SBF2: variants seen among roughly 807,000 people sequenced by gnomAD.
SBF2 encodes myotubularin-related protein 13.
Under a neutral mutation model 225.2 loss-of-function variants are expected in SBF2, and 112 were observed. That is an observed-to-expected ratio of 0.50 (90% CI 0.43 to 0.58). SBF2 has a LOEUF of 0.58. Among genes scored for constraint, SBF2 ranks in the 20% least tolerant of loss-of-function variants. The probability of loss-of-function intolerance (pLI) is 0.00; values close to 1 mark genes in which losing one functional copy is unlikely to be tolerated. For missense variants in SBF2, 1,996 were observed against 2,206.2 expected, an observed-to-expected ratio of 0.90 and a Z score of 1.91; for synonymous variants, 763 against 773.3, an observed-to-expected ratio of 0.99 and a Z score of 0.22.
chr11:9,980,647 C>T (rs896074547), intron 13 of SBF2, among the ~76,000 whole-genome samples: 4 of 151,104 alleles, frequency 2.6e-5, no homozygotes, highest in Non-Finnish European at 4.4e-5. Context: ...AGTGCAGTGG[C>T]GAGATCTCGG....
Position 10,178,721 on chromosome 11 carries a change from T to C in SBF2, c.141+15181A>G, listed in dbSNP as rs565633558. On this transcript the variant is annotated intron_variant, in intron 2 of 39. Coordinates refer to ENST00000256190, the MANE Select transcript of SBF2 (RefSeq NM_030962.4). ...AGGTGCTAGAGAGGATGTGGAGAAA[T>C]AGGAACACTTTTACACTGTTGGTGG... Among the ~76,000 whole-genome samples, 267 of 143,350 alleles carry C rather than the reference T, an allele frequency of 1.9e-3. 8 individuals are homozygous for C. Among genetic ancestry groups the C allele is most frequent in the African/African-American group, 6.7e-3 (258 of 38,502 alleles). The allele number at this position is 143,350 out of a possible 152,430, so 94.0% of individuals were successfully genotyped here. A position where few individuals can be genotyped will look rare whatever the true frequency, so the allele number is the denominator to read the frequency against.
intron 1 of SBF2, among the ~76,000 whole-genome samples, chr11:10,228,388 C>G (rs1233533485): frequency 6.6e-6 from 1 of 152,174 alleles, no homozygotes; most frequent in Non-Finnish European, 1.5e-5. Context: ...GAGGGCATCC[C>G]TGTCTTGTGC....
chr11:10,175,012 C>T (rs1442528142), intron 2 of SBF2, among the ~76,000 whole-genome samples: 7 of 151,794 alleles, frequency 4.6e-5, no homozygotes, highest in African/African-American at 9.7e-5. Flanking sequence ...CTGAAGGAAG[C>T]GCTAAACATG....
At chr11:9,803,866 A>G (rs1366854133) in intron 32 of SBF2, among the ~76,000 whole-genome samples, 2 of 151,678 alleles carry the variant, frequency 1.3e-5, no homozygotes, top group East Asian at 3.8e-4. Flanking sequence ...TAGAAGGAAG[A>G]ATAGCAGTAA....
chr11:10,249,520 T>G (rs1960143535), intron 1 of SBF2, among the ~76,000 whole-genome samples: 1 of 152,070 alleles, frequency 6.6e-6, no homozygotes, highest in Admixed American at 6.5e-5. Flanking sequence ...TATCAATGAG[T>G]AAACATTGTT....
chr11:10,251,905 T>C (rs760956075), intron 1 of SBF2, among the ~76,000 whole-genome samples: 1 of 152,134 alleles, frequency 6.6e-6, no homozygotes, highest in African/African-American at 2.4e-5. Flanking sequence ...CTCTCTCACC[T>C]AAGGGAGAAG....
chr11:10,026,478 C>T lies in SBF2; in HGVS notation c.619+1974G>A, dbSNP rs1159030473. Reference sequence around the variant, plus strand: ...GCATGCAGTGGCTCATGCCTATAATCCCAGCTCTTTGGGAGGCCAAAGCAG... The same window carrying T: ...GCATGCAGTGGCTCATGCCTATAATTCCAGCTCTTTGGGAGGCCAAAGCAG... On this transcript the variant is annotated intron_variant, in intron 6 of 39. Coordinates refer to ENST00000256190, the MANE Select transcript of SBF2 (RefSeq NM_030962.4). Among the ~76,000 whole-genome samples, 5 of 152,276 alleles carry T rather than the reference C, an allele frequency of 3.3e-5. No individual in the cohort carries two copies. The East Asian group carries it at 9.6e-4, about 29-fold the overall frequency.
At chr11:10,062,337 A>C (rs1029211011) in intron 2 of SBF2, among the ~76,000 whole-genome samples, 1 of 152,170 alleles carries the variant, frequency 6.6e-6, no homozygotes, top group African/African-American at 2.4e-5. Context: ...AAAATTGACA[A>C]ATGGGGTCTA....
intron 21 of SBF2, among the ~76,000 whole-genome samples, chr11:9,852,183 A>G (rs1857006055): frequency 6.6e-6 from 1 of 152,216 alleles, no homozygotes; most frequent in African/African-American, 2.4e-5. Flanking sequence ...GCCTTGTTAA[A>G]ATACAGATTC....
chr11:9,815,211 G>A (rs1047831139), intron 29 of SBF2, among the ~76,000 whole-genome samples: 16 of 151,118 alleles, frequency 1.1e-4, no homozygotes, highest in Admixed American at 7.9e-4. Context: ...AGGCCAGGGC[G>A]GGTGGATCAC....
chr11:10,229,801 T>C (rs1335879435), intron 1 of SBF2, among the ~76,000 whole-genome samples: 1 of 152,120 alleles, frequency 6.6e-6, no homozygotes, highest in African/African-American at 2.4e-5. Flanking sequence ...TGATTTGGGG[T>C]GGAGAGTTCT....
intron 13 of SBF2, among the ~76,000 whole-genome samples, chr11:9,973,259 C>T (rs2134403598): frequency 6.6e-6 from 1 of 152,320 alleles, no homozygotes. Context: ...TTGGACTGGT[C>T]CCTTGAACGT....
At chr11:9,868,111 T>C (rs1858386542) in intron 17 of SBF2, among the ~76,000 whole-genome samples, 1 of 152,228 alleles carries the variant, frequency 6.6e-6, no homozygotes, top group South Asian at 2.1e-4. Flanking sequence ...ATATCACTTG[T>C]ACCCCATAAA....
At chr11:9,892,118 T>A (rs913788510) in intron 17 of SBF2, among the ~76,000 whole-genome samples, 8 of 152,152 alleles carry the variant, frequency 5.3e-5, no homozygotes, top group Non-Finnish European at 1.0e-4. Context: ...TTAAAAAAAA[T>A]TATTTTTATT....
chr11:10,258,368 A>G (rs1961087208), intron 1 of SBF2, among the ~76,000 whole-genome samples: 1 of 152,222 alleles, frequency 6.6e-6, no homozygotes, highest in African/African-American at 2.4e-5. Context: ...GTGGCTTCCC[A>G]AAGTGCTGGG....
Position 9,779,210 on chromosome 11 carries a change from AATT to A in SBF2, c.*1205_*1207del, listed in dbSNP as rs1851880679. On this transcript the variant is annotated 3_prime_UTR_variant, in exon 40 of 40. Coordinates refer to ENST00000256190, the MANE Select transcript of SBF2 (RefSeq NM_030962.4). Reference sequence around the variant, plus strand: ...TGAATGCATCAGTTAATTTATATTAAATTATAAGCAGGCTATCTGAAAAACAAG... The same window carrying A: ...TGAATGCATCAGTTAATTTATATTAAATAAGCAGGCTATCTGAAAAACAAG... 1 of 152,652 alleles carries A rather than the reference AATT, an allele frequency of 6.6e-6. No homozygotes were observed. Among genetic ancestry groups the A allele is most frequent in the Non-Finnish European group, 1.5e-5 (1 of 68,042 alleles). 9.5% of individuals were successfully genotyped at this position (152,652 alleles called of 1,614,324 possible). A position where few individuals can be genotyped will look rare whatever the true frequency, so the allele number is the denominator to read the frequency against.
intron 13 of SBF2, among the ~76,000 whole-genome samples, chr11:9,988,355 AT>A (rs1947280951): frequency 6.6e-6 from 1 of 152,206 alleles, no homozygotes; most frequent in Admixed American, 6.5e-5. Flanking sequence ...TTAGGCAAGG[AT>A]TTCATGACCA....
intron 28 of SBF2, chr11:9,828,613 GGGGTTCCATCACATGATAAC>G: frequency 1.0e-6 from 1 of 985,222 alleles, no homozygotes; most frequent in East Asian, 1.1e-4. Flanking sequence ...TGAACCCTTT[GGGGTTCCATCACATGATAAC>G]TGAAACAGAA....
intron 1 of SBF2, among the ~76,000 whole-genome samples, chr11:10,199,740 T>G (rs1456322141): frequency 2.0e-5 from 3 of 152,022 alleles, no homozygotes; most frequent in Non-Finnish European, 4.4e-5. Flanking sequence ...GGGCAACATA[T>G]GGAGACCCCA....
Sources: allele counts gnomAD v4.1 joint callset (sites outside exome capture counted in the v4.1 genomes callset), GRCh38; gene constraint gnomAD v4.1.1; transcripts MANE v1.5; gene names NCBI Gene and HGNC (gene_info 2026-07-23, HGNC 2026-07-21).